ADSS2: variants seen among roughly 807,000 people sequenced by gnomAD.
ADSS2 encodes the protein adenylosuccinate synthetase isozyme 2.
ADSS2 carries 30 observed loss-of-function variants against 60.0 expected under a neutral mutation model. The observed-to-expected ratio is 0.50, with a 90% CI of 0.37 to 0.68. ADSS2 has a LOEUF of 0.68. ADSS2 is among the 30% of genes least tolerant of loss of function. The probability of loss-of-function intolerance (pLI) is 0.00; values close to 1 mark genes in which losing one functional copy is unlikely to be tolerated. For synonymous variants in ADSS2, 187 were observed against 193.1 expected (o/e 0.97, Z 0.26); for missense variants, 373 against 554.8 (o/e 0.67, Z 3.29).
chr1:244,429,525 T>C (rs923781042), intron 4 of ADSS2, among the ~76,000 whole-genome samples: 2 of 152,188 alleles, frequency 1.3e-5, no homozygotes, highest in Non-Finnish European at 2.9e-5. Flanking sequence ...TCAGACAATT[T>C]TCCAATTAGT....
intron 1 of ADSS2, among the ~76,000 whole-genome samples, chr1:244,449,944 A>G (rs1331201897): frequency 1.3e-5 from 2 of 152,198 alleles, no homozygotes; most frequent in African/African-American, 2.4e-5. Context: ...TACTTCTAAT[A>G]TTTCTCCATA....
rs182063209 is a variant in ADSS2, at chr1:244,447,748, C to T, written c.183+3887G>A. ...TTAATCCAAGGAATGCTAGGAATTC[C>T]GCCTTAAATGTATGCCACCAGTCAA... On this transcript the variant is annotated intron_variant, in intron 1 of 12. Transcript: ENST00000366535. Among the ~76,000 whole-genome samples the T allele has an allele frequency of 2.4e-3, 367 of 152,166 alleles. 1 individual carries two copies. The highest frequency in any genetic ancestry group is 0.01 in the Middle Eastern group (3 of 294).
At chr1:244,448,432 C>G (rs1423171073) in intron 1 of ADSS2, among the ~76,000 whole-genome samples, 1 of 152,090 alleles carries the variant, frequency 6.6e-6, no homozygotes, top group Non-Finnish European at 1.5e-5. Flanking sequence ...GGTGTGCTTT[C>G]CCTTATGACT....
chr1:244,409,743 T>C, intron 12 of ADSS2, 105 bp from the exon 13 acceptor site: 1 of 856,394 alleles, frequency 1.2e-6, no homozygotes, highest in Non-Finnish European at 1.9e-6. Context: ...TCACCATAAC[T>C]TTTCCCTATG....
At chr1:244,450,961 T>C (rs1458666849) in intron 1 of ADSS2, among the ~76,000 whole-genome samples, 1 of 152,188 alleles carries the variant, frequency 6.6e-6, no homozygotes, top group African/African-American at 2.4e-5. Context: ...GTAAAAGTAA[T>C]TTCTCCTTAA....
intron 3 of ADSS2, among the ~76,000 whole-genome samples, chr1:244,435,914 G>A (rs997126059): frequency 6.6e-6 from 1 of 152,142 alleles, no homozygotes; most frequent in Admixed American, 6.5e-5. Context: ...GTCTCCACCT[G>A]TATTCTATAT....
chr1:244,428,848 T>C (rs937915205), intron 4 of ADSS2, among the ~76,000 whole-genome samples: 4 of 152,218 alleles, frequency 2.6e-5, no homozygotes, highest in Middle Eastern at 3.4e-3. Context: ...CAGAAAAATC[T>C]GAATATCCCG....
intron 7 of ADSS2, among the ~76,000 whole-genome samples, chr1:244,422,204 T>C (rs1011658783): frequency 6.6e-6 from 1 of 152,218 alleles, no homozygotes; most frequent in Non-Finnish European, 1.5e-5. Flanking sequence ...CTGATATTGA[T>C]ACTTATCTAT....
At chr1:244,413,676 C>T (rs1172486053) in intron 11 of ADSS2, among the ~76,000 whole-genome samples, 4 of 152,150 alleles carry the variant, frequency 2.6e-5, no homozygotes, top group Non-Finnish European at 4.4e-5. Context: ...AGTCCCAAGG[C>T]TACAGGAGGA....
intron 3 of ADSS2, among the ~76,000 whole-genome samples, chr1:244,435,511 TC>T (rs1665074888): frequency 6.7e-6 from 1 of 148,774 alleles, no homozygotes; most frequent in Non-Finnish European, 1.5e-5. Context: ...GAAGTTTGTT[TC>T]CTCTTCCTCC....
At chr1:244,442,395 G>A (rs12402219) in intron 1 of ADSS2, among the ~76,000 whole-genome samples, 17,624 of 152,012 alleles carry the variant, frequency 0.12, 1,288 homozygotes, top group African/African-American at 0.18. Context: ...AAAGTCACAT[G>A]GTGGTATAAA....
chr1:244,444,312 G>C lies in ADSS2; in HGVS notation c.184-6544C>G, dbSNP rs1007324578. On this transcript the variant is annotated intron_variant, in intron 1 of 12. Transcript: ENST00000366535. ...GGGCGGATCACGAGGTCAGGAGATC[G>C]AGACCATCCCGGCTAAAACGGTGAA... is the stretch of plus-strand genomic sequence containing the variant. Among the ~76,000 whole-genome samples, 3 of 150,794 alleles carry C rather than the reference G, an allele frequency of 2.0e-5. No individual in the cohort carries two copies. In the South Asian group the frequency reaches 6.3e-4, roughly 32 times the overall value.
chr1:244,445,941 A>C (rs1426537344), intron 1 of ADSS2, among the ~76,000 whole-genome samples: 2 of 152,200 alleles, frequency 1.3e-5, no homozygotes, highest in Admixed American at 6.5e-5. Flanking sequence ...TCTGTGTCTT[A>C]TCTTTGTCCT....
chr1:244,439,928 G>T (rs1665195948), intron 1 of ADSS2, among the ~76,000 whole-genome samples: 1 of 152,128 alleles, frequency 6.6e-6, no homozygotes, highest in South Asian at 2.1e-4. Context: ...CTGTGACAAG[G>T]GCAGCACTGA....
intron 11 of ADSS2, among the ~76,000 whole-genome samples, chr1:244,413,084 C>T (rs1053758962): frequency 6.6e-6 from 1 of 152,110 alleles, no homozygotes; most frequent in African/African-American, 2.4e-5. Flanking sequence ...ACAACATTTG[C>T]CAGTAGGTAC....
chr1:244,437,627 TG>T (rs762713401), intron 2 of ADSS2, 38 bp downstream of exon 2: 30 of 1,352,532 alleles, frequency 2.2e-5, no homozygotes, highest in South Asian at 1.9e-4. Context: ...TATCAACTGG[TG>T]GGGGGGAATC....
chr1:244,436,055 C>T (rs537818870), intron 3 of ADSS2, among the ~76,000 whole-genome samples: 1 of 152,248 alleles, frequency 6.6e-6, no homozygotes, highest in South Asian at 2.1e-4. Flanking sequence ...GGGAGAAGGC[C>T]TTTTTTCCCC....
chr1:244,420,036 C>T, intron 8 of ADSS2, 134 bp downstream of exon 8: 2 of 919,048 alleles, frequency 2.2e-6, no homozygotes, highest in East Asian at 5.1e-5. Context: ...CACAAGATGA[C>T]AAATTTCATC....
chr1:244,451,890 G>C lies in ADSS2; in HGVS notation c.-73C>G. 1.4e-6 allele frequency: 2 copies of C among 1,389,040 alleles called. No individual in the cohort carries two copies. Among genetic ancestry groups the C allele is most frequent in the Non-Finnish European group, 1.9e-6 (2 of 1,059,700 alleles). 86.0% of individuals were successfully genotyped at this position (1,389,040 alleles called of 1,614,324 possible). A position where few individuals can be genotyped will look rare whatever the true frequency, so the allele number is the denominator to read the frequency against. ...AGTGAGCGAACTGAACTGCTCTGCG[G>C]CCGCCAGCCACATGCAGAGGAAGAA... On this transcript the variant is annotated 5_prime_UTR_variant, in exon 1 of 13. Transcript: ENST00000366535. This position sits in a 1 kb window ranked among gnomAD's most constrained non-coding sequence, Gnocchi z 6.6.
Sources: gnomAD v4.1 joint callset for allele counts (sites outside exome capture counted in the v4.1 genomes callset) on GRCh38, gnomAD v4.1.1 for gene constraint, Gnocchi (gnomAD v3.1) non-coding constraint, MANE v1.5 for transcripts, NCBI Gene and HGNC (gene_info 2026-07-23, HGNC 2026-07-21) for gene names.